The following BBOF1 variants were observed in gnomAD, a reference collection of about 807,000 sequenced individuals.
The protein encoded by BBOF1 is basal body-orientation factor 1.
BBOF1 carries 62 observed loss-of-function variants against 68.0 expected under a neutral mutation model. That is an observed-to-expected ratio of 0.91 (90% CI 0.74 to 1.13). The LOEUF (loss-of-function observed/expected upper bound fraction) is 1.13, where lower values mean the gene tolerates loss of function less well. Among genes scored for constraint, BBOF1 ranks in the 50% most tolerant of loss-of-function variants. The pLI is 0.00. For synonymous variants in BBOF1, 208 were observed against 198.8 expected (o/e 1.05, Z -0.39); for missense variants, 534 against 600.1 (o/e 0.89, Z 1.15).
At chr14:74,080,407 A>G (rs2060659096) in intron 10 of BBOF1, among the ~76,000 whole-genome samples, 1 of 132,886 alleles carries the variant, frequency 7.5e-6, no homozygotes, top group East Asian at 2.2e-4. Context: ...TCACTCTGTC[A>G]CCCAGGCTAG....
intron 11 of BBOF1, among the ~76,000 whole-genome samples, chr14:74,061,729 C>G (rs958991411): frequency 6.6e-6 from 1 of 152,158 alleles, no homozygotes; most frequent in Non-Finnish European, 1.5e-5. Flanking sequence ...TACAAATTCA[C>G]TTCTCAATTA....
chr14:74,023,192 G>A, intron 2 of BBOF1, 48 bp downstream of exon 2: 2 of 1,034,048 alleles, frequency 1.9e-6, no homozygotes, highest in Middle Eastern at 2.2e-4. Context: ...CCTCTATGGT[G>A]ATGCTGATGT....
chr14:74,082,098 G>A (rs1217004858), intron 12 of BBOF1, among the ~76,000 whole-genome samples: 1 of 152,092 alleles, frequency 6.6e-6, no homozygotes, highest in Admixed American at 6.5e-5. Flanking sequence ...GCAGCTACTC[G>A]GAGGGCTGAG....
At chr14:74,078,253 A>G in exon 10 of BBOF1, 1 of 456,024 alleles carries the variant, frequency 2.2e-6, no homozygotes, top group Non-Finnish European at 4.4e-6. Flanking sequence ...AACCTACAAA[A>G]CTGAACTCAA....
intron 8 of BBOF1, chr14:74,055,321 G>T: frequency 6.0e-6 from 2 of 330,998 alleles, no homozygotes; most frequent in Non-Finnish European, 1.2e-5. Flanking sequence ...GCTAATTTTT[G>T]TATTTTTAGT....
rs765993112 is a variant in BBOF1, at chr14:74,072,607, G to A, written n.1380-5589G>A. ...TTTCCCACCAATGAAGAGCTTTACA[G>A]TTGGCTGAAAAAAACAAACAAACAA... On this transcript the variant is annotated intron_variant and non_coding_transcript_variant, in intron 9 of 12. Transcript: ENST00000492026. 6.2e-6 allele frequency: 10 copies of A among 1,612,898 alleles called. No individual in the cohort carries two copies. The African/African-American group carries it at 1.3e-4, about 22-fold the overall frequency.
chr14:74,055,829 T>C, intron 9 of BBOF1, 144 bp downstream of exon 9: 3 of 569,052 alleles, frequency 5.3e-6, no homozygotes, highest in Non-Finnish European at 9.3e-6. Flanking sequence ...GCTTAACTAC[T>C]GCAGCTCCCA....
At chr14:74,070,422 G>A (rs1205960029), downstream of BBOF1, among the ~76,000 whole-genome samples, 2 of 152,110 alleles carry the variant, frequency 1.3e-5, no homozygotes, top group Non-Finnish European at 2.9e-5. Flanking sequence ...AAGAGGCAGA[G>A]GCAGGAAAAT....
rs760994080 is a variant in BBOF1 at position 74,029,261 on chromosome 14, A to G, written c.351+12A>G. 6 of 1,500,198 alleles carry G rather than the reference A, an allele frequency of 4.0e-6. No homozygotes were observed. The highest frequency in any genetic ancestry group is 1.2e-5 in the South Asian group (1 of 83,110). The allele number at this position is 1,500,198 out of a possible 1,614,324, so 92.9% of individuals were successfully genotyped here. On this transcript the variant is annotated intron_variant, in intron 3 of 11. Coordinates refer to ENST00000394009, the MANE Select transcript of BBOF1 (RefSeq NM_025057.3). ...AGAAGGATAAATTGGTGAGTTATCT[A>G]TGTGTACTAATACTCCACTTACTGG... is the stretch of plus-strand genomic sequence containing the variant.
intron 4 of BBOF1, among the ~76,000 whole-genome samples, chr14:74,037,629 A>G (rs150391864): frequency 0.011 from 1,690 of 151,142 alleles, 12 homozygotes; most frequent in Middle Eastern, 0.017. Flanking sequence ...CGTGTTCTCC[A>G]TGAGGTCTTC....
chr14:74,042,879 GACACACACACACACACAC>G (rs71460947), intron 5 of BBOF1, among the ~76,000 whole-genome samples: 6 of 143,662 alleles, frequency 4.2e-5, no homozygotes, highest in African/African-American at 1.5e-4. Flanking sequence ...CACACACACA[GACACACACACACACACAC>G]ACACACACAC....
chr14:74,068,388 G>GAAA (rs3082879), downstream of BBOF1, among the ~76,000 whole-genome samples: 787 of 150,728 alleles, frequency 5.2e-3, 2 homozygotes, highest in African/African-American at 0.018. Flanking sequence ...CAAAAAAAAA[G>GAAA]AAAAAAAGTG....
chr14:74,033,955 G>T (rs2059639457), intron 3 of BBOF1, 73 bp from the exon 4 acceptor site: 2 of 1,214,800 alleles, frequency 1.6e-6, no homozygotes, highest in Non-Finnish European at 2.3e-6. Flanking sequence ...ATGGCGTAAG[G>T]CTTCAAATGA....
At chr14:74,074,289 T>A (rs1480206341) in intron 9 of BBOF1, among the ~76,000 whole-genome samples, 1 of 103,692 alleles carries the variant, frequency 9.6e-6, no homozygotes, top group Admixed American at 1.2e-4. Flanking sequence ...TTTCACTAAA[T>A]TTTTTTTTTT....
intron 4 of BBOF1, among the ~76,000 whole-genome samples, chr14:74,039,536 C>G (rs1163308513): frequency 3.3e-5 from 5 of 152,022 alleles, no homozygotes; most frequent in Non-Finnish European, 5.9e-5. Context: ...TCAAGCAATT[C>G]TCCTGCCTCA....
chr14:74,072,623 A>C (rs765013940), intron 9 of BBOF1: 2 of 1,597,790 alleles, frequency 1.3e-6, no homozygotes, highest in Admixed American at 1.7e-5. Context: ...TGAAAAAAAC[A>C]AACAAACAAA....
At chr14:74,057,336 A>G (rs1595095009) in intron 11 of BBOF1, 78 bp downstream of exon 11, 4 of 1,597,622 alleles carry the variant, frequency 2.5e-6, no homozygotes, top group Middle Eastern at 3.3e-4. Context: ...AATCACGGTT[A>G]TTTTCTCTAC....
At chr14:74,048,408 C>T (rs542805209) in intron 7 of BBOF1, 3 of 167,276 alleles carry the variant, frequency 1.8e-5, no homozygotes, top group Non-Finnish European at 3.8e-5. Flanking sequence ...ACATCAGTGG[C>T]ATCACCACAC....
chr14:74,053,984 C>T (rs1199030328), intron 8 of BBOF1, among the ~76,000 whole-genome samples: 1 of 152,090 alleles, frequency 6.6e-6, no homozygotes, highest in African/African-American at 2.4e-5. Flanking sequence ...AAGCCATTCT[C>T]CTGCCTCAGC....
Sources: gnomAD v4.1 joint callset for allele counts (sites outside exome capture counted in the v4.1 genomes callset) on GRCh38, gnomAD v4.1.1 for gene constraint, MANE v1.5 for transcripts, NCBI Gene and HGNC (gene_info 2026-07-23, HGNC 2026-07-21) for gene names.